Variants in DCC observed in about 807,000 individuals in gnomAD.
The protein encoded by DCC is netrin receptor DCC.
In DCC, 58 loss-of-function variants were observed where a neutral mutation model predicts 172.5. The observed-to-expected ratio is 0.34, with a 90% CI of 0.27 to 0.42. The LOEUF is 0.42. Ranked by LOEUF, DCC falls within the 10% of genes least tolerant of loss-of-function variation. The pLI, the probability that DCC is intolerant of heterozygous loss-of-function variation, is 1.00. For missense variants in DCC, 1,740 were observed against 1,791.0 expected (o/e 0.97, Z 0.51); for synonymous variants, 709 against 644.5 (o/e 1.10, Z -1.52).
intron 1 of DCC, among the ~76,000 whole-genome samples, chr18:52,439,174 T>TTGTGTGTGTG (rs60983168): frequency 0.053 from 7,731 of 144,670 alleles, 553 homozygotes; most frequent in African/African-American, 0.16. Flanking sequence ...AAGATATGTT[T>TTGTGTGTGTG]TGTGTGTGTG....
intron 1 of DCC, among the ~76,000 whole-genome samples, chr18:52,410,635 G>A (rs1318140635): frequency 6.6e-6 from 1 of 152,058 alleles, no homozygotes; most frequent in East Asian, 1.9e-4. Context: ...ATGAACAGCT[G>A]TGAAGAAAGC....
At chr18:52,565,059 T>C (rs1306640831) in intron 1 of DCC, among the ~76,000 whole-genome samples, 2 of 152,110 alleles carry the variant, frequency 1.3e-5, no homozygotes, top group African/African-American at 4.8e-5. Flanking sequence ...TGGACCTAGT[T>C]GAACAAATTG....
chr18:52,441,613 C>T (rs1292001457), intron 1 of DCC, among the ~76,000 whole-genome samples: 3 of 152,106 alleles, frequency 2.0e-5, no homozygotes, highest in Non-Finnish European at 2.9e-5. Context: ...TCTTCTTCAG[C>T]CTGACAGAGT....
chr18:53,303,511 T>C (rs1417268993), intron 12 of DCC, among the ~76,000 whole-genome samples: 1 of 152,238 alleles, frequency 6.6e-6, no homozygotes, highest in Non-Finnish European at 1.5e-5. Context: ...AAAAAGCTGA[T>C]TTTAAACTAC....
At chr18:53,351,443 GTATATATATATATACACAGTGTGTA>G (rs2057808860) in intron 15 of DCC, among the ~76,000 whole-genome samples, 6 of 31,908 alleles carry the variant, frequency 1.9e-4, no homozygotes, top group African/African-American at 6.5e-4. Context: ...TATATACAGT[GTATATATATATATACACAGTGTGTA>G]TATATATATA....
chr18:53,403,766 C>T (rs554821821), intron 19 of DCC, among the ~76,000 whole-genome samples: 25 of 152,124 alleles, frequency 1.6e-4, no homozygotes, highest in South Asian at 1.2e-3. Flanking sequence ...GTAATTCAGC[C>T]GTCCCGTGAT....
intron 5 of DCC, among the ~76,000 whole-genome samples, chr18:53,000,680 T>C (rs1228378901): frequency 6.7e-6 from 1 of 148,768 alleles, no homozygotes. Flanking sequence ...GAGCCAGTAA[T>C]GTGTCACAGC....
intron 24 of DCC, among the ~76,000 whole-genome samples, chr18:53,463,474 A>G (rs1161073405): frequency 6.6e-6 from 1 of 152,220 alleles, no homozygotes; most frequent in East Asian, 1.9e-4. Context: ...AAAATTCAAC[A>G]TAAGTGAACA....
chr18:53,139,339 C>G (rs1440431469), intron 7 of DCC, among the ~76,000 whole-genome samples: 3 of 152,134 alleles, frequency 2.0e-5, no homozygotes, highest in Non-Finnish European at 4.4e-5. Context: ...TCATTCCTAC[C>G]TTACTGAAAG....
rs145825851 is a variant in DCC, at chr18:52,395,489, T to C, written c.91+54611T>C. ...GACTTTTAAACAGCTTCGGGGTTGGTAACAGGAGTCCCTTGGTCCCTTCAG... is the reference window on the plus strand; with the variant it reads ...GACTTTTAAACAGCTTCGGGGTTGGCAACAGGAGTCCCTTGGTCCCTTCAG... On this transcript the variant is annotated intron_variant, in intron 1 of 28. Coordinates refer to ENST00000442544, the MANE Select transcript of DCC (RefSeq NM_005215.4). 1.4e-4 allele frequency among the ~76,000 whole-genome samples: 22 copies of C among 152,080 alleles called. 1 individual carries two copies. In the East Asian group the frequency reaches 4.3e-3, roughly 30 times the overall value.
intron 5 of DCC, among the ~76,000 whole-genome samples, chr18:52,967,837 A>G (rs781215743): frequency 1.3e-5 from 2 of 152,194 alleles, no homozygotes; most frequent in African/African-American, 4.8e-5. Context: ...TTTTTTGGCA[A>G]TATAATTGTG....
chr18:52,492,599 A>G (rs999547060), intron 1 of DCC, among the ~76,000 whole-genome samples: 20 of 152,006 alleles, frequency 1.3e-4, no homozygotes, highest in Non-Finnish European at 1.8e-4. Context: ...GAAAGGAACT[A>G]TAAGAAAAAT....
chr18:53,400,793 A>C (rs997793717), intron 18 of DCC, among the ~76,000 whole-genome samples: 1 of 152,146 alleles, frequency 6.6e-6, no homozygotes, highest in Non-Finnish European at 1.5e-5. Context: ...TATTATATTG[A>C]TAGCTAAAGT....
rs556984990 is a variant in DCC, at chr18:53,151,977, A to G, written c.1262-5379A>G. On this transcript the variant is annotated intron_variant, in intron 7 of 28. Coordinates refer to ENST00000442544, the MANE Select transcript of DCC (RefSeq NM_005215.4). Reference sequence around the variant, plus strand: ...TTTAGACAATAAAAAGCTAGAGTTTAGTGTCAAGGGAACAACAAGAAAAAA... The same window carrying G: ...TTTAGACAATAAAAAGCTAGAGTTTGGTGTCAAGGGAACAACAAGAAAAAA... Among the ~76,000 whole-genome samples the G allele has an allele frequency of 1.2e-3, 190 of 152,318 alleles. 1 individual carries two copies. The highest frequency in any genetic ancestry group is 4.4e-3 in the African/African-American group (185 of 41,574).
chr18:53,496,481 T>C (rs1040172186), intron 26 of DCC, among the ~76,000 whole-genome samples: 1 of 152,126 alleles, frequency 6.6e-6, no homozygotes, highest in East Asian at 1.9e-4. Flanking sequence ...AGACCAAAGG[T>C]AGATAAATCC....
rs2046066358 is a variant in DCC, at chr18:53,499,296, A to C, written c.3899-2A>C. On this transcript the variant is annotated splice_acceptor_variant, in intron 26 of 28. Transcript: ENST00000442544. LOFTEE classifies it high-confidence loss of function. ...GAATGACTTTTCTTGTCTCCACTGC[A>C]GCAGTGAGTGAAGGACCAACTACCC... The C allele has an allele frequency of 3.1e-6, 5 of 1,613,920 alleles. No homozygotes were observed. The African/African-American group carries it at 6.7e-5, about 22-fold the overall frequency.
chr18:53,421,366 C>T (rs1429334527), intron 21 of DCC, among the ~76,000 whole-genome samples: 2 of 152,148 alleles, frequency 1.3e-5, no homozygotes, highest in Non-Finnish European at 2.9e-5. Flanking sequence ...TTCACCATTG[C>T]TGAGATGAAT....
intron 22 of DCC, among the ~76,000 whole-genome samples, chr18:53,448,095 C>T (rs192056642): frequency 7.9e-6 from 1 of 125,932 alleles, no homozygotes; most frequent in African/African-American, 3.0e-5. Context: ...TCTTAGGCAA[C>T]TTGTCAAAAG....
At chr18:53,086,010 C>CTTATTATTATTATTATTATTATTAT (rs781244055) in intron 7 of DCC, among the ~76,000 whole-genome samples, 1 of 19,072 alleles carries the variant, frequency 5.2e-5, no homozygotes. Flanking sequence ...TCTTCTCCTT[C>CTTATTATTATTATTATTATTATTAT]TCCTTCTCCC....
Sources: gnomAD v4.1 joint callset for allele counts (sites outside exome capture counted in the v4.1 genomes callset) on GRCh38, gnomAD v4.1.1 for gene constraint, MANE v1.5 for transcripts, NCBI Gene and HGNC (gene_info 2026-07-23, HGNC 2026-07-21) for gene names.